Variants in LRRC4C observed in about 807,000 individuals in gnomAD.
The protein encoded by LRRC4C is leucine-rich repeat-containing protein 4C.
LRRC4C carries 5 observed loss-of-function variants against 33.6 expected under a neutral mutation model. The ratio of observed to expected loss-of-function variants is 0.15; its 90% CI spans 0.08 to 0.31. The LOEUF is 0.31. Ranked by LOEUF, LRRC4C falls within the 10% of genes least tolerant of loss-of-function variation. The pLI is 1.00. For missense variants in LRRC4C, 560 were observed against 796.7 expected (o/e 0.70, Z 3.58); for synonymous variants, 329 against 302.0 (o/e 1.09, Z -0.93).
intron 1 of LRRC4C, among the ~76,000 whole-genome samples, chr11:41,432,259 A>G (rs936772077): frequency 3.3e-5 from 5 of 152,184 alleles, no homozygotes; most frequent in African/African-American, 1.2e-4. Context: ...GAAATGCCAT[A>G]TTAGGCAGTG....
intron 2 of LRRC4C, among the ~76,000 whole-genome samples, chr11:40,655,459 C>T (rs978408567): frequency 6.6e-6 from 1 of 152,034 alleles, no homozygotes. Context: ...ATTATTAAGT[C>T]TATGGGCTCT....
intron 4 of LRRC4C, among the ~76,000 whole-genome samples, chr11:40,267,640 C>T (rs752998997): frequency 6.6e-6 from 1 of 152,120 alleles, no homozygotes; most frequent in Non-Finnish European, 1.5e-5. Flanking sequence ...CGTGAGCCAC[C>T]GCGCCTGGCC....
chr11:40,692,426 G>A (rs960433569), intron 2 of LRRC4C, among the ~76,000 whole-genome samples: 1 of 152,014 alleles, frequency 6.6e-6, no homozygotes, highest in Non-Finnish European at 1.5e-5. Flanking sequence ...ATTTTGAAAA[G>A]TAGACCTTTG....
chr11:40,277,288 C>T (rs1258166581), intron 4 of LRRC4C, among the ~76,000 whole-genome samples: 2 of 152,122 alleles, frequency 1.3e-5, no homozygotes, highest in East Asian at 1.9e-4. Flanking sequence ...TCCTTAAAGA[C>T]CCCTGTGGTT....
chr11:40,864,947 A>G (rs1327256837), intron 2 of LRRC4C, among the ~76,000 whole-genome samples: 1 of 152,170 alleles, frequency 6.6e-6, no homozygotes, highest in Non-Finnish European at 1.5e-5. Flanking sequence ...TAACATTTTA[A>G]CCTCAACAGA....
chr11:40,238,245 G>A (rs1428147800), intron 5 of LRRC4C, among the ~76,000 whole-genome samples: 1 of 152,146 alleles, frequency 6.6e-6, no homozygotes, highest in Non-Finnish European at 1.5e-5. Context: ...ACCCCACACT[G>A]TAATTCCTCA....
chr11:41,358,356 A>G lies in LRRC4C; in HGVS notation c.-496+101075T>C, dbSNP rs1490594698. Among the ~76,000 whole-genome samples, 8 of 152,272 alleles carry G rather than the reference A, an allele frequency of 5.3e-5. No individual in the cohort carries two copies. In the East Asian group the frequency reaches 1.5e-3, roughly 29 times the overall value. ...CTTGGGTTTGATGATGAATATTTAG[A>G]TATGACACTACAGTCATGATCCATG... On this transcript the variant is annotated intron_variant, in intron 1 of 6. Coordinates refer to ENST00000528697, the MANE Select transcript of LRRC4C (RefSeq NM_001258419.2).
At chr11:41,029,817 G>A (rs772701425) in intron 1 of LRRC4C, among the ~76,000 whole-genome samples, 8 of 151,724 alleles carry the variant, frequency 5.3e-5, no homozygotes, top group East Asian at 1.9e-4. Context: ...TTCAATATAC[G>A]CTTGTTTAAA....
Position 40,219,898 on chromosome 11 carries a change from T to C in LRRC4C, c.-96+21621A>G, listed in dbSNP as rs568603139. ...GAGTAGATTTTAGCTACTTTTGCCA[T>C]AAAAACAAAAAATGGGTAACTATGT... On this transcript the variant is annotated intron_variant, in intron 5 of 6. Coordinates refer to ENST00000528697, the MANE Select transcript of LRRC4C (RefSeq NM_001258419.2). Among the ~76,000 whole-genome samples the C allele has an allele frequency of 5.1e-4, 77 of 152,180 alleles. No individual in the cohort carries two copies. In the South Asian group the frequency reaches 5.6e-3, roughly 11 times the overall value.
At chr11:40,288,422 C>G (rs1479635213) in intron 4 of LRRC4C, among the ~76,000 whole-genome samples, 1 of 152,146 alleles carries the variant, frequency 6.6e-6, no homozygotes, top group Non-Finnish European at 1.5e-5. Context: ...TGGTTATCTC[C>G]CAAGCCTAAC....
At chr11:41,215,970 T>C (rs189648242) in intron 1 of LRRC4C, among the ~76,000 whole-genome samples, 7 of 152,308 alleles carry the variant, frequency 4.6e-5, no homozygotes, top group Admixed American at 6.5e-5. Context: ...CAAGCCTACC[T>C]CGTATGCAGT....
chr11:40,243,792 T>C (rs746308304), intron 4 of LRRC4C, among the ~76,000 whole-genome samples: 23 of 149,844 alleles, frequency 1.5e-4, no homozygotes, highest in African/African-American at 3.0e-4. Flanking sequence ...CAGCTTCAAG[T>C]GATTCTCCTG....
intron 1 of LRRC4C, among the ~76,000 whole-genome samples, chr11:41,088,266 T>C (rs1220870558): frequency 6.6e-6 from 1 of 152,106 alleles, no homozygotes; most frequent in Non-Finnish European, 1.5e-5. Flanking sequence ...CTAAAGCAAA[T>C]AATTAAATAA....
chr11:40,867,453 T>C (rs1375728664), intron 2 of LRRC4C, among the ~76,000 whole-genome samples: 3 of 152,222 alleles, frequency 2.0e-5, no homozygotes, highest in Non-Finnish European at 4.4e-5. Context: ...TCAGCATTGG[T>C]GACTCTTAAA....
intron 3 of LRRC4C, among the ~76,000 whole-genome samples, chr11:40,620,437 G>C (rs554337142): frequency 2.6e-5 from 4 of 151,714 alleles, no homozygotes; most frequent in Non-Finnish European, 5.9e-5. Context: ...GCTGGAAGGA[G>C]GTAGACCAGA....
chr11:40,304,883 G>T (rs1944953501), intron 4 of LRRC4C, among the ~76,000 whole-genome samples: 1 of 152,052 alleles, frequency 6.6e-6, no homozygotes. Context: ...TCCTGCCTCA[G>T]CCTCCCAAGT....
At chr11:41,160,657 G>A (rs1239311809) in intron 1 of LRRC4C, among the ~76,000 whole-genome samples, 1 of 152,090 alleles carries the variant, frequency 6.6e-6, no homozygotes, top group Non-Finnish European at 1.5e-5. Context: ...CTTGAGTATG[G>A]TGCAGGTGGC....
chr11:41,224,795 G>T (rs889427409), intron 1 of LRRC4C, among the ~76,000 whole-genome samples: 11 of 152,130 alleles, frequency 7.2e-5, no homozygotes, highest in African/African-American at 2.7e-4. Flanking sequence ...TTCTTGTATG[G>T]TGTACATGAT....
chr11:41,411,120 A>G (rs1226978335), intron 1 of LRRC4C, among the ~76,000 whole-genome samples: 2 of 119,202 alleles, frequency 1.7e-5, no homozygotes, highest in Admixed American at 8.5e-5. Flanking sequence ...CTTTTAGATG[A>G]GAAACACTTG....
Sources: allele counts gnomAD v4.1 joint callset (sites outside exome capture counted in the v4.1 genomes callset), GRCh38; gene constraint gnomAD v4.1.1; transcripts MANE v1.5; gene names NCBI Gene and HGNC (gene_info 2026-07-23, HGNC 2026-07-21).